The following DNTTIP1 variants were observed in gnomAD, a reference collection of about 807,000 sequenced individuals.
DNTTIP1 encodes deoxynucleotidyltransferase terminal interacting protein 1, also known as deoxynucleotidyltransferase terminal-interacting protein 1.
A neutral mutation model predicts 52.9 loss-of-function variants in DNTTIP1; 22 were observed. The ratio of observed to expected loss-of-function variants is 0.42; its 90% CI spans 0.30 to 0.59. DNTTIP1 has a LOEUF of 0.59. DNTTIP1 is among the 20% of genes least tolerant of loss of function. DNTTIP1 has a pLI of 0.22. For synonymous variants in DNTTIP1, 136 were observed against 155.1 expected, an observed-to-expected ratio of 0.88 and a Z score of 0.92; for missense variants, 286 against 435.5, an observed-to-expected ratio of 0.66 and a Z score of 3.06.
At position 45,811,340 on chromosome 20, in the gene DNTTIP1, C is replaced by G; in HGVS notation, c.*145C>G. 1 of 795,092 alleles carries G rather than the reference C, an allele frequency of 1.3e-6. No individual in the cohort carries two copies. Among genetic ancestry groups the G allele is most frequent in the Non-Finnish European group, 1.9e-6 (1 of 515,720 alleles). 49.3% of individuals were successfully genotyped at this position (795,092 alleles called of 1,614,324 possible). ...GAGTTTGTAGTGACTCACTGCACAG[C>G]ACCCCCAGACTAGCATGTGGTTCTA... On this transcript the variant is annotated 3_prime_UTR_variant, in exon 13 of 13. Transcript: ENST00000372622.
intron 3 of DNTTIP1, among the ~76,000 whole-genome samples, chr20:45,794,774 C>A (rs1165899499): frequency 1.5e-4 from 22 of 148,358 alleles, no homozygotes; most frequent in African/African-American, 5.2e-4. Context: ...CACAGTGGGA[C>A]CTCATCTCTA....
chr20:45,798,320 C>T (rs1030112520), intron 4 of DNTTIP1, among the ~76,000 whole-genome samples: 13 of 100,768 alleles, frequency 1.3e-4, no homozygotes, highest in Admixed American at 2.7e-4. Context: ...CATCAGACAC[C>T]GGGGCCTGTC....
At chr20:45,797,833 C>T (rs1981292530) in intron 4 of DNTTIP1, among the ~76,000 whole-genome samples, 1 of 152,292 alleles carries the variant, frequency 6.6e-6, no homozygotes, top group African/African-American at 2.4e-5. Flanking sequence ...CAGGAAACAA[C>T]AGGTGCTGGA....
At chr20:45,805,074 G>A (rs1981588760) in intron 8 of DNTTIP1, 72 bp from the exon 9 acceptor site, 3 of 1,299,058 alleles carry the variant, frequency 2.3e-6, no homozygotes, top group African/African-American at 2.9e-5. Flanking sequence ...GAAAAGGGTA[G>A]GGGGAGGAGT....
chr20:45,793,923 T>C lies in DNTTIP1; in HGVS notation c.179T>C (p.Phe60Ser), dbSNP rs781204908. ...RGRRSQMTTS[F>S]TDPAISMDLL... ...CCCTGTCTCCCTCCTGAATGCAGTT[T>C]CACAGATCCTGCCATCTCCATGGAT... Residue 60 changes from phenylalanine (F) to serine (S), a missense_variant and splice_region_variant, in exon 3 of 13, where the codon TTC becomes TCC. Transcript: ENST00000372622. 1 of 1,585,042 alleles carries C rather than the reference T, an allele frequency of 6.3e-7. No homozygotes were observed. The highest frequency in any genetic ancestry group is 8.6e-7 in the Non-Finnish European group (1 of 1,165,074).
At chr20:45,807,909 G>A (rs555481442) in intron 10 of DNTTIP1, among the ~76,000 whole-genome samples, 7 of 152,054 alleles carry the variant, frequency 4.6e-5, no homozygotes, top group South Asian at 2.1e-4. Flanking sequence ...CCGAGATCAC[G>A]CCACTGCACT....
At chr20:45,805,025 G>T in intron 8 of DNTTIP1, 121 bp from the exon 9 acceptor site, 1 of 879,278 alleles carries the variant, frequency 1.1e-6, no homozygotes, top group Non-Finnish European at 1.9e-6. Context: ...AGTGTCTTGG[G>T]TCAACTGTTG....
intron 3 of DNTTIP1, among the ~76,000 whole-genome samples, 170 bp from the exon 4 acceptor site, chr20:45,795,175 G>A (rs1981196254): frequency 6.6e-6 from 1 of 152,274 alleles, no homozygotes; most frequent in African/African-American, 2.4e-5. Context: ...ATAAAGGGAG[G>A]AGGTCAAGCC....
intron 10 of DNTTIP1, among the ~76,000 whole-genome samples, chr20:45,808,174 C>T (rs895069569): frequency 4.6e-5 from 7 of 151,998 alleles, no homozygotes; most frequent in Admixed American, 3.9e-4. Context: ...GGCAAAACCC[C>T]ATCTCTACTA....
At chr20:45,804,332 A>C (rs1981567391) in intron 8 of DNTTIP1, among the ~76,000 whole-genome samples, 1 of 152,066 alleles carries the variant, frequency 6.6e-6, no homozygotes, top group Non-Finnish European at 1.5e-5. Flanking sequence ...AATATATTGC[A>C]GTTCCTATTT....
intron 7 of DNTTIP1, among the ~76,000 whole-genome samples, chr20:45,802,743 T>G (rs927014521): frequency 6.6e-6 from 1 of 152,120 alleles, no homozygotes; most frequent in Non-Finnish European, 1.5e-5. Context: ...CATCCACCAT[T>G]CTAGTATCAC....
In DNTTIP1 at chr20:45,801,085, CT is replaced by C; in HGVS notation, c.388del (p.Ser130GlnfsTer6). 1 of 1,613,968 alleles carries C rather than the reference CT, an allele frequency of 6.2e-7. No individual in the cohort carries two copies. Among genetic ancestry groups the C allele is most frequent in the Non-Finnish European group, 8.5e-7 (1 of 1,179,976 alleles). Reference protein sequence around the residue: ...RSCLEQAKLLFSDGEKVIPRL... With the variant: ...RSCLEQAKLLXSDGEKVIPRL... ...CTTTTTCCCTTCAGGCTAAACTGCT[CT>C]TTTCAGATGGAGAAAAAGTAATACC... On this transcript the variant is annotated frameshift_variant, in exon 5 of 13. Transcript: ENST00000372622. LOFTEE classifies it high-confidence loss of function.
intron 4 of DNTTIP1, among the ~76,000 whole-genome samples, chr20:45,797,486 C>T (rs1454605193): frequency 6.6e-6 from 1 of 152,130 alleles, no homozygotes; most frequent in East Asian, 1.9e-4. Flanking sequence ...CAAATGGGAT[C>T]TAATTAAACT....
chr20:45,805,464 G>T, intron 10 of DNTTIP1, 98 bp downstream of exon 10: 2 of 1,346,684 alleles, frequency 1.5e-6, no homozygotes, highest in Non-Finnish European at 2.0e-6. Context: ...TGATCTTGGA[G>T]TCAGGACATC....
Position 45,811,356 on chromosome 20 carries a change from T to C in DNTTIP1, c.*161T>C, listed in dbSNP as rs1045629429. The C allele has an allele frequency of 2.9e-6, 2 of 688,226 alleles. No individual in the cohort carries two copies. Among genetic ancestry groups the C allele is most frequent in the African/African-American group, 3.6e-5 (2 of 55,846 alleles). The allele number at this position is 688,226 out of a possible 1,614,324, so 42.6% of individuals were successfully genotyped here. A position where few individuals can be genotyped will look rare whatever the true frequency, so the allele number is the denominator to read the frequency against. On this transcript the variant is annotated 3_prime_UTR_variant, in exon 13 of 13. Coordinates refer to ENST00000372622, the MANE Select transcript of DNTTIP1 (RefSeq NM_052951.3). ...ACTGCACAGCACCCCCAGACTAGCATGTGGTTCTATATTTGTAAAGTTATT... is the reference window on the plus strand; with the variant it reads ...ACTGCACAGCACCCCCAGACTAGCACGTGGTTCTATATTTGTAAAGTTATT...
Position 45,792,730 on chromosome 20 carries a change from C to A in DNTTIP1, c.159C>A (p.Arg53=). The A allele has an allele frequency of 6.2e-7, 1 of 1,612,674 alleles. No individual in the cohort carries two copies. Among genetic ancestry groups the A allele is most frequent in the East Asian group, 2.2e-5 (1 of 44,814 alleles). Residue 53 remains arginine, a synonymous_variant, in exon 2 of 13, where the codon CGC becomes CGA. Transcript: ENST00000372622. The part of the protein sequence containing the change: ...KHRQVQRRGR[R]SQMTTSFTDP... ...GGCAGGTGCAGCGGAGGGGCCGCCG[C>A]TCACAGATGACAACAAGGTAAGGCT...
Position 45,794,008 on chromosome 20 carries a change from G to A in DNTTIP1, c.264G>A (p.Lys88=), listed in dbSNP as rs1981142918. 1 of 1,589,408 alleles carries A rather than the reference G, an allele frequency of 6.3e-7. No individual in the cohort carries two copies. Among genetic ancestry groups the A allele is most frequent in the Non-Finnish European group, 8.6e-7 (1 of 1,166,428 alleles). Residue 88 remains lysine, a synonymous_variant, in exon 3 of 13, where the codon AAG becomes AAA. Transcript: ENST00000372622. ...INEEIQTVFN[K]YMKFFQKAAL... ...AGGAGATCCAGACTGTCTTCAACAA[G>A]TACATGAAGGTGAGAGGGACACAGG...
intron 4 of DNTTIP1, 104 bp downstream of exon 4, chr20:45,795,547 C>A: frequency 1.5e-6 from 1 of 680,018 alleles, no homozygotes; most frequent in Non-Finnish European, 2.4e-6. Context: ...ACATGTAATC[C>A]CAGCACTGTG....
rs765110204 is a variant in DNTTIP1 at position 45,805,327 on chromosome 20, C to T, written c.684C>T (p.Thr228=). Residue 228 remains threonine, a synonymous_variant, in exon 10 of 13, where the codon ACC becomes ACT. Transcript: ENST00000372622. ...TCAGAGCCCTGGGGATGGGGGGCAC[C>T]AGAGGAAGAATCTACATCAAGCACC... ...RANKALGMGG[T]RGRIYIKHPH... 6.2e-7 allele frequency: 1 copy of T among 1,614,108 alleles called. No homozygotes were observed. The highest frequency in any genetic ancestry group is 8.5e-7 in the Non-Finnish European group (1 of 1,180,018).
Sources: gnomAD v4.1 joint callset for allele counts (sites outside exome capture counted in the v4.1 genomes callset) on GRCh38, gnomAD v4.1.1 for gene constraint, MANE v1.5 for transcripts, NCBI Gene and HGNC (gene_info 2026-07-23, HGNC 2026-07-21) for gene names.